The following SEMA3A variants were observed in gnomAD, a reference collection of about 807,000 sequenced individuals.
SEMA3A encodes the protein semaphorin 3A.
SEMA3A carries 29 observed loss-of-function variants against 97.9 expected under a neutral mutation model. That is an observed-to-expected ratio of 0.30 (90% CI 0.22 to 0.40). The LOEUF (loss-of-function observed/expected upper bound fraction) is 0.40. SEMA3A is among the 10% of genes least tolerant of loss of function. The pLI, the probability that SEMA3A is intolerant of heterozygous loss-of-function variation, is 1.00. For synonymous variants in SEMA3A, 321 were observed against 323.7 expected, an observed-to-expected ratio of 0.99 and a Z score of 0.09; for missense variants, 763 against 951.3, an observed-to-expected ratio of 0.80 and a Z score of 2.60.
intron 1 of SEMA3A, among the ~76,000 whole-genome samples, chr7:84,175,525 C>T (rs1314751789): frequency 6.6e-6 from 1 of 152,122 alleles, no homozygotes; most frequent in Non-Finnish European, 1.5e-5. Flanking sequence ...GGTTCACCAC[C>T]AGGAGGTATA....
At chr7:84,422,481 T>C (rs994799252) in intron 1 of SEMA3A, among the ~76,000 whole-genome samples, 3 of 152,134 alleles carry the variant, frequency 2.0e-5, no homozygotes, top group East Asian at 3.9e-4. Flanking sequence ...CCTAGATTCA[T>C]TGATTTTTTA....
At chr7:84,392,094 T>G (rs1264682601) in intron 1 of SEMA3A, among the ~76,000 whole-genome samples, 1 of 152,168 alleles carries the variant, frequency 6.6e-6, no homozygotes, top group Non-Finnish European at 1.5e-5. Context: ...TTTGATGTTT[T>G]TGCGATGAGA....
At chr7:84,165,291 T>C (rs1333109075) in intron 1 of SEMA3A, among the ~76,000 whole-genome samples, 6 of 152,174 alleles carry the variant, frequency 3.9e-5, no homozygotes, top group African/African-American at 1.4e-4. Context: ...TCTTCTCTCA[T>C]CCTCTCTTAA....
chr7:84,123,201 A>G (rs1372048935), intron 3 of SEMA3A, among the ~76,000 whole-genome samples: 1 of 152,168 alleles, frequency 6.6e-6, no homozygotes, highest in African/African-American at 2.4e-5. Context: ...GGGTCAATGA[A>G]GTTAATCCAT....
At chr7:84,140,650 A>C (rs373200657) in intron 1 of SEMA3A, among the ~76,000 whole-genome samples, 1 of 152,146 alleles carries the variant, frequency 6.6e-6, no homozygotes, top group African/African-American at 2.4e-5. Context: ...ATTTTGGCTA[A>C]ATGATGACCA....
chr7:84,188,491 A>G (rs1797950134), intron 1 of SEMA3A, among the ~76,000 whole-genome samples: 1 of 151,992 alleles, frequency 6.6e-6, no homozygotes, highest in South Asian at 2.1e-4. Flanking sequence ...TACAGATTAA[A>G]AGGAGTCAGT....
At chr7:84,414,029 A>T (rs1804356247) in intron 1 of SEMA3A, among the ~76,000 whole-genome samples, 1 of 152,158 alleles carries the variant, frequency 6.6e-6, no homozygotes, top group East Asian at 1.9e-4. Context: ...GCTTCACCGT[A>T]AATTTCTGAT....
chr7:84,447,421 C>G (rs1805445409), intron 1 of SEMA3A, among the ~76,000 whole-genome samples: 1 of 152,166 alleles, frequency 6.6e-6, no homozygotes, highest in Non-Finnish European at 1.5e-5. Context: ...GAGTCCCCCA[C>G]ACAGAGTGAG....
chr7:84,211,332 C>T (rs1798619523), intron 3 of SEMA3A, among the ~76,000 whole-genome samples: 1 of 151,938 alleles, frequency 6.6e-6, no homozygotes, highest in South Asian at 2.1e-4. Flanking sequence ...ATTTCTCAGC[C>T]GGGTGTGGTG....
chr7:84,085,867 T>G (rs1224619371), intron 4 of SEMA3A, among the ~76,000 whole-genome samples: 1 of 152,184 alleles, frequency 6.6e-6, no homozygotes, highest in African/African-American at 2.4e-5. Context: ...TCAGAAGCTC[T>G]GACATACCCT....
At chr7:84,234,477 T>C (rs1046811716) in intron 3 of SEMA3A, among the ~76,000 whole-genome samples, 1 of 152,112 alleles carries the variant, frequency 6.6e-6, no homozygotes, top group Non-Finnish European at 1.5e-5. Context: ...TCTTTATCTC[T>C]CTACTACATG....
intron 1 of SEMA3A, among the ~76,000 whole-genome samples, chr7:84,185,692 G>GAAAAAAAAAAAAAAAAAAAAAAGAAAAA (rs71078810): frequency 1.3e-5 from 1 of 78,132 alleles, no homozygotes; most frequent in African/African-American, 5.4e-5. Flanking sequence ...ACTCTGGCAG[G>GAAAAAAAAAAAAAAAAAAAAAAGAAAAA]AAAAAAAAAA....
At chr7:84,087,658 G>C (rs1433604835) in intron 4 of SEMA3A, among the ~76,000 whole-genome samples, 1 of 152,138 alleles carries the variant, frequency 6.6e-6, no homozygotes, top group African/African-American at 2.4e-5. Flanking sequence ...TAGAGATGTA[G>C]GGGAGTAAAC....
chr7:84,458,756 A>C (rs747733444), intron 1 of SEMA3A, among the ~76,000 whole-genome samples: 2 of 152,108 alleles, frequency 1.3e-5, no homozygotes, highest in Non-Finnish European at 2.9e-5. Context: ...TTTAAGGATT[A>C]AATCAGGGTA....
chr7:83,981,536 C>G, intron 13 of SEMA3A, 58 bp from the exon 14 acceptor site: 1 of 1,364,790 alleles, frequency 7.3e-7, no homozygotes, highest in South Asian at 1.6e-5. Flanking sequence ...ATCTCTTGTT[C>G]TCTTAAAAAA....
At chr7:84,149,076 T>C (rs2372035) in intron 1 of SEMA3A, among the ~76,000 whole-genome samples, 72,845 of 151,964 alleles carry the variant, frequency 0.48, 18,593 homozygotes, top group East Asian at 0.68. Flanking sequence ...TAACTGTATA[T>C]ACAAATAAAA....
intron 2 of SEMA3A, among the ~76,000 whole-genome samples, chr7:84,320,177 A>G (rs1801612317): frequency 1.3e-5 from 2 of 152,114 alleles, no homozygotes; most frequent in African/African-American, 4.8e-5. Context: ...TTGGTAATAA[A>G]TTTAATATGG....
rs1242810417 is a variant in SEMA3A at position 84,081,073 on chromosome 7, GAAGA to G, written c.454-20519_454-20516del. ...ACAATGCAAGAGGTTTAAATAAGTT[GAAGA>G]AAGAATGCACATGATTCATATATAT... On this transcript the variant is annotated intron_variant, in intron 4 of 16. Coordinates refer to ENST00000265362, the MANE Select transcript of SEMA3A (RefSeq NM_006080.3). 3.9e-5 allele frequency among the ~76,000 whole-genome samples: 6 copies of G among 151,990 alleles called. No individual in the cohort carries two copies. The South Asian group carries it at 1.0e-3, about 26-fold the overall frequency.
intron 11 of SEMA3A, among the ~76,000 whole-genome samples, chr7:84,002,259 G>C (rs1468095214): frequency 6.6e-6 from 1 of 152,062 alleles, no homozygotes; most frequent in African/African-American, 2.4e-5. Context: ...CACAATCTTG[G>C]AATAATAAAA....
Sources: gnomAD v4.1 joint callset for allele counts (sites outside exome capture counted in the v4.1 genomes callset) on GRCh38, gnomAD v4.1.1 for gene constraint, MANE v1.5 for transcripts, NCBI Gene and HGNC (gene_info 2026-07-23, HGNC 2026-07-21) for gene names.